The following CYP2J2 variants were observed in gnomAD, a reference collection of about 807,000 sequenced individuals.
CYP2J2 encodes the protein cytochrome P450 2J2.
A neutral mutation model predicts 48.8 loss-of-function variants in CYP2J2; 41 were observed. The ratio of observed to expected loss-of-function variants is 0.84; its 90% CI spans 0.66 to 1.09. The LOEUF (loss-of-function observed/expected upper bound fraction) is 1.09, where lower values mean the gene tolerates loss of function less well. Among genes scored for constraint, CYP2J2 ranks in the 50% least tolerant of loss-of-function variants. The probability of loss-of-function intolerance (pLI) is 0.00; values close to 1 mark genes in which losing one functional copy is unlikely to be tolerated. For synonymous variants in CYP2J2, 221 were observed against 227.1 expected (o/e 0.97, Z 0.24); for missense variants, 644 against 617.3 (o/e 1.04, Z -0.46).
chr1:59,895,073 C>G (rs569538349), intron 8 of CYP2J2, among the ~76,000 whole-genome samples: 1 of 152,196 alleles, frequency 6.6e-6, no homozygotes, highest in Non-Finnish European at 1.5e-5. Flanking sequence ...AAAAGAAAGA[C>G]ATTCTCCAAC....
chr1:59,909,683 GGCACCAA>G, intron 5 of CYP2J2, 94 bp downstream of exon 5: 1 of 784,036 alleles, frequency 1.3e-6, no homozygotes, highest in Admixed American at 3.1e-5. Context: ...TGCTATTTTA[GGCACCAA>G]GTTTGTGATC....
At chr1:59,908,054 C>T (rs1574251617) in intron 5 of CYP2J2, 127 bp from the exon 6 acceptor site, 2 of 879,010 alleles carry the variant, frequency 2.3e-6, no homozygotes, top group Non-Finnish European at 3.6e-6. Context: ...ACAATTTTCC[C>T]TTTGGCCTCT....
chr1:59,969,061 G>C, the CYP2J2 span, among the ~76,000 whole-genome samples: 4 of 152,150 alleles, frequency 2.6e-5, no homozygotes, highest in South Asian at 8.3e-4. Context: ...GTGGGCTCGT[G>C]GTCTTGCTGG....
chr1:59,964,225 A>G, the CYP2J2 span, among the ~76,000 whole-genome samples: 1 of 152,212 alleles, frequency 6.6e-6, no homozygotes, highest in East Asian at 1.9e-4. Flanking sequence ...ATAGGGTCAG[A>G]TAAGATGCAA....
chr1:59,943,362 C>T, the CYP2J2 span, among the ~76,000 whole-genome samples: 1 of 152,170 alleles, frequency 6.6e-6, no homozygotes, highest in Non-Finnish European at 1.5e-5. Context: ...TAACTGCTAG[C>T]AGGAGGGCCT....
chr1:59,945,297 AT>A, the CYP2J2 span, among the ~76,000 whole-genome samples: 2,156 of 148,836 alleles, frequency 0.014, 61 homozygotes, highest in African/African-American at 0.05. Flanking sequence ...ATCTAACTTC[AT>A]TTTTTTTTTC....
chr1:59,952,874 G>A, the CYP2J2 span, among the ~76,000 whole-genome samples: 1 of 152,180 alleles, frequency 6.6e-6, no homozygotes, highest in Non-Finnish European at 1.5e-5. Context: ...AAATGATTAA[G>A]TGCATTCATG....
chr1:59,940,842 G>A, the CYP2J2 span, among the ~76,000 whole-genome samples: 1 of 152,122 alleles, frequency 6.6e-6, no homozygotes, highest in Non-Finnish European at 1.5e-5. Context: ...TAGCAATATG[G>A]ATGGAACTGG....
the CYP2J2 span, among the ~76,000 whole-genome samples, chr1:59,953,765 A>G: frequency 6.6e-6 from 1 of 152,174 alleles, no homozygotes; most frequent in Admixed American, 6.5e-5. Context: ...AATTCTGAAA[A>G]ATAGCAAGGA....
intron 4 of CYP2J2, 142 bp from the exon 5 acceptor site, chr1:59,910,102 C>T: frequency 1.6e-6 from 1 of 626,700 alleles, no homozygotes; most frequent in Non-Finnish European, 2.7e-6. Context: ...TCTTTTCTCT[C>T]TCACCTCTCT....
upstream of CYP2J2, among the ~76,000 whole-genome samples, chr1:59,928,889 A>T (rs1252097146): frequency 3.9e-5 from 6 of 152,230 alleles, no homozygotes; most frequent in Admixed American, 3.9e-4. Context: ...TCAGCACAAG[A>T]GTTAGCTAGG....
the CYP2J2 span, among the ~76,000 whole-genome samples, chr1:59,946,665 A>G: frequency 2.0e-5 from 3 of 152,208 alleles, no homozygotes; most frequent in African/African-American, 7.2e-5. Context: ...TAAGAAGTAC[A>G]GAAAATAAAG....
chr1:59,911,024 A>G (rs1477408084), intron 4 of CYP2J2, among the ~76,000 whole-genome samples: 1 of 152,230 alleles, frequency 6.6e-6, no homozygotes, highest in Non-Finnish European at 1.5e-5. Context: ...AGATACAGAT[A>G]TAAAAAATAT....
chr1:59,934,449 C>A, the CYP2J2 span, among the ~76,000 whole-genome samples: 1 of 152,158 alleles, frequency 6.6e-6, no homozygotes, highest in South Asian at 2.1e-4. Context: ...ACATGCAAAT[C>A]GTGTATCTGA....
chr1:59,961,161 C>G, the CYP2J2 span, among the ~76,000 whole-genome samples: 2 of 152,166 alleles, frequency 1.3e-5, no homozygotes, highest in Middle Eastern at 3.4e-3. Context: ...AAATTAAAAA[C>G]TTTTGTGTTT....
At chr1:59,911,954 C>T (rs189475517) in intron 3 of CYP2J2, among the ~76,000 whole-genome samples, 186 bp from the exon 4 acceptor site, 20 of 152,246 alleles carry the variant, frequency 1.3e-4, no homozygotes, top group Middle Eastern at 3.4e-3. Context: ...AGTCAAACTG[C>T]GGACCAGGGC....
chr1:59,929,144 T>TTG (rs1557433510), upstream of CYP2J2, among the ~76,000 whole-genome samples: 1 of 152,226 alleles, frequency 6.6e-6, no homozygotes, highest in African/African-American at 2.4e-5. Flanking sequence ...TGTCGTTGTA[T>TTG]TGTGACTGTG....
the CYP2J2 span, among the ~76,000 whole-genome samples, chr1:59,968,227 C>G: frequency 6.6e-6 from 1 of 152,172 alleles, no homozygotes; most frequent in Admixed American, 6.5e-5. Flanking sequence ...CTTCAAAGCA[C>G]CCAAACAAGA....
chr1:59,919,728 TTTGCATGCAG>T (rs749770062), intron 1 of CYP2J2, among the ~76,000 whole-genome samples: 4 of 152,222 alleles, frequency 2.6e-5, no homozygotes, highest in Non-Finnish European at 4.4e-5. Flanking sequence ...CATAAAGAGC[TTTGCATGCAG>T]TTTCAGGAGT....
Sources: allele counts gnomAD v4.1 joint callset (sites outside exome capture counted in the v4.1 genomes callset), GRCh38; gene constraint gnomAD v4.1.1; transcripts MANE v1.5; gene names NCBI Gene and HGNC (gene_info 2026-07-23, HGNC 2026-07-21).